The following TTC6 variants were observed in gnomAD, a reference collection of about 807,000 sequenced individuals.
TTC6 encodes tetratricopeptide repeat domain 6, also known as tetratricopeptide repeat protein 6.
Under a neutral mutation model 210.4 loss-of-function variants are expected in TTC6, and 172 were observed. That is an observed-to-expected ratio of 0.82 (90% CI 0.72 to 0.93). TTC6 has a LOEUF of 0.93. Among genes scored for constraint, TTC6 ranks in the 40% least tolerant of loss-of-function variants. The probability of loss-of-function intolerance (pLI) is 0.00; values close to 1 mark genes in which losing one functional copy is unlikely to be tolerated. For synonymous variants in TTC6, 804 were observed against 819.6 expected (o/e 0.98, Z 0.32); for missense variants, 2,414 against 2,318.1 (o/e 1.04, Z -0.85).
intron 7 of TTC6, among the ~76,000 whole-genome samples, chr14:37,733,037 C>T (rs1438064952): frequency 1.3e-5 from 2 of 152,156 alleles, no homozygotes; most frequent in Non-Finnish European, 2.9e-5. Context: ...GAAGTTCAAA[C>T]CCATGTTATT....
chr14:37,767,199 T>C lies in TTC6; in HGVS notation c.3266+13964T>C, dbSNP rs542455773. On this transcript the variant is annotated intron_variant, in intron 14 of 30. Transcript: ENST00000553443. ...CACATTTTCTTAATCCAGTCTATCA[T>C]TGTTGGACATTTGGGTTGGTTCCAA... Among the ~76,000 whole-genome samples the C allele has an allele frequency of 6.6e-5, 10 of 152,334 alleles. No homozygotes were observed. In the South Asian group the frequency reaches 1.9e-3, roughly 28 times the overall value.
At chr14:37,826,230 T>C in exon 28 of TTC6, 1 of 1,608,536 alleles carries the variant, frequency 6.2e-7, no homozygotes, top group Non-Finnish European at 8.5e-7. Context: ...GGAACCACTT[T>C]ACCATTGCCA....
chr14:37,750,148 C>A (rs2095947469), intron 12 of TTC6, among the ~76,000 whole-genome samples: 1 of 152,116 alleles, frequency 6.6e-6, no homozygotes, highest in South Asian at 2.1e-4. Flanking sequence ...ATTTACAAAT[C>A]ACTCTTTGAT....
At chr14:37,698,786 A>G (rs973060701) in intron 4 of TTC6, among the ~76,000 whole-genome samples, 2 of 152,162 alleles carry the variant, frequency 1.3e-5, no homozygotes, top group Non-Finnish European at 2.9e-5. Context: ...TAATAGTAAC[A>G]ACCTTAAAAA....
At chr14:37,780,024 A>G (rs1301486264) in intron 14 of TTC6, among the ~76,000 whole-genome samples, 1 of 152,210 alleles carries the variant, frequency 6.6e-6, no homozygotes, top group Non-Finnish European at 1.5e-5. Context: ...GACGAAGTTG[A>G]AACAAATGCA....
At chr14:37,751,212 A>G in exon 13 of TTC6, 1 of 1,521,086 alleles carries the variant, frequency 6.6e-7, no homozygotes, top group South Asian at 1.2e-5. Flanking sequence ...CTGGCCATTG[A>G]TGACTTTTCG....
chr14:37,789,074 A>G (rs537564332), intron 15 of TTC6, among the ~76,000 whole-genome samples: 1 of 152,070 alleles, frequency 6.6e-6, no homozygotes, highest in Admixed American at 6.6e-5. Context: ...ATCCTTTCCT[A>G]CCAGACAGCC....
intron 1 of TTC6, among the ~76,000 whole-genome samples, chr14:37,666,553 G>A (rs1399535910): frequency 6.7e-6 from 1 of 150,196 alleles, no homozygotes; most frequent in African/African-American, 2.4e-5. Flanking sequence ...TAGAGTGCCT[G>A]GTTAGGCCAC....
intron 17 of TTC6, among the ~76,000 whole-genome samples, chr14:37,794,060 T>C (rs755709376): frequency 1.3e-5 from 2 of 152,164 alleles, no homozygotes; most frequent in African/African-American, 2.4e-5. Flanking sequence ...GGTAGTGGTC[T>C]AATGTCAGGG....
At chr14:37,810,355 C>G (rs974693496) in intron 24 of TTC6, among the ~76,000 whole-genome samples, 3 of 152,140 alleles carry the variant, frequency 2.0e-5, no homozygotes, top group Non-Finnish European at 2.9e-5. Flanking sequence ...CTCAGATATG[C>G]GAAAGAGCCA....
chr14:37,796,547 TGA>T (rs1268881411), intron 19 of TTC6, among the ~76,000 whole-genome samples, 177 bp downstream of exon 21: 1 of 152,078 alleles, frequency 6.6e-6, no homozygotes, highest in East Asian at 1.9e-4. Flanking sequence ...GTGAATTTTG[TGA>T]GAGAGAATTT....
intron 1 of TTC6, among the ~76,000 whole-genome samples, chr14:37,672,819 T>TC (rs2095760875): frequency 7.4e-6 from 1 of 135,562 alleles, no homozygotes; most frequent in Admixed American, 7.4e-5. Flanking sequence ...CATGAATTCC[T>TC]CATTTTTTTT....
chr14:37,614,711 G>T (rs2095639904), intron 2 of TTC6, among the ~76,000 whole-genome samples: 1 of 151,606 alleles, frequency 6.6e-6, no homozygotes, highest in South Asian at 2.1e-4. Context: ...TGCATGCTAG[G>T]TATAGAATAC....
At chr14:37,720,018 A>G (rs1202423300) in intron 6 of TTC6, among the ~76,000 whole-genome samples, 9 of 152,338 alleles carry the variant, frequency 5.9e-5, no homozygotes, top group Non-Finnish European at 1.5e-5. Flanking sequence ...ATCTAACTGG[A>G]AAGTGGGCAA....
At chr14:37,669,137 A>G (rs2095753790) in intron 1 of TTC6, among the ~76,000 whole-genome samples, 1 of 152,238 alleles carries the variant, frequency 6.6e-6, no homozygotes, top group African/African-American at 2.4e-5. Flanking sequence ...TAATGTGGTA[A>G]AAGTTTCCAC....
At chr14:37,815,717 T>A (rs2096139847) in intron 25 of TTC6, among the ~76,000 whole-genome samples, 1 of 152,160 alleles carries the variant, frequency 6.6e-6, no homozygotes, top group Non-Finnish European at 1.5e-5. Flanking sequence ...TACACATTAG[T>A]GGCTGTGTGG....
chr14:37,624,722 C>T (rs143816889), intron 1 of TTC6, among the ~76,000 whole-genome samples: 240 of 152,012 alleles, frequency 1.6e-3, no homozygotes, highest in African/African-American at 5.5e-3. Flanking sequence ...CCTGGGTTCA[C>T]GCCATTCTCC....
intron 14 of TTC6, among the ~76,000 whole-genome samples, chr14:37,778,342 G>A (rs1326609065): frequency 6.8e-6 from 1 of 146,558 alleles, no homozygotes; most frequent in Non-Finnish European, 1.6e-5. Context: ...GGCAGGTGTA[G>A]GGCTGGTGGT....
chr14:37,611,885 C>T (rs1214793650), intron 2 of TTC6, among the ~76,000 whole-genome samples: 3 of 151,986 alleles, frequency 2.0e-5, no homozygotes, highest in East Asian at 1.9e-4. Flanking sequence ...CCTTGGTGGA[C>T]GGTGAGACAC....
Sources: allele counts gnomAD v4.1 joint callset (sites outside exome capture counted in the v4.1 genomes callset), GRCh38; gene constraint gnomAD v4.1.1; transcripts MANE v1.5; gene names NCBI Gene and HGNC (gene_info 2026-07-23, HGNC 2026-07-21).